The following ASPH variants were observed in gnomAD, a reference collection of about 807,000 sequenced individuals.
ASPH encodes the protein aspartate beta-hydroxylase, also known as aspartyl/asparaginyl beta-hydroxylase.
Under a neutral mutation model 118.4 loss-of-function variants are expected in ASPH, and 100 were observed. That is an observed-to-expected ratio of 0.84 (90% CI 0.72 to 1.00). The LOEUF (loss-of-function observed/expected upper bound fraction) is 1.00, where lower values mean the gene tolerates loss of function less well. Among genes scored for constraint, ASPH ranks in the 50% least tolerant of loss-of-function variants. The pLI is 0.00. For missense variants in ASPH, 920 were observed against 919.5 expected, an observed-to-expected ratio of 1.00 and a Z score of -0.01; for synonymous variants, 315 against 325.6, an observed-to-expected ratio of 0.97 and a Z score of 0.35.
At chr8:61,528,749 CT>C (rs1405455899) in intron 21 of ASPH, among the ~76,000 whole-genome samples, 1 of 152,188 alleles carries the variant, frequency 6.6e-6, no homozygotes, top group African/African-American at 2.4e-5. Context: ...ACAGCCTCCC[CT>C]GGGAAGTGTT....
intron 3 of ASPH, chr8:61,665,616 T>C: frequency 6.4e-7 from 1 of 1,552,374 alleles, no homozygotes; most frequent in Non-Finnish European, 8.6e-7. Flanking sequence ...ACTTTCAGAT[T>C]TTCCAATTAA....
intron 1 of ASPH, among the ~76,000 whole-genome samples, chr8:61,706,105 A>G (rs145498036): frequency 4.6e-4 from 70 of 152,320 alleles, no homozygotes; most frequent in African/African-American, 1.6e-3. Flanking sequence ...AAATAAGATT[A>G]TAAAAATTGT....
chr8:61,584,053 T>C (rs1051140105), intron 14 of ASPH, 24 bp from the exon 15 acceptor site: 3 of 1,374,014 alleles, frequency 2.2e-6, no homozygotes, highest in African/African-American at 1.5e-5. Context: ...GAGATTTTTA[T>C]TTTTAACGTT....
intron 18 of ASPH, among the ~76,000 whole-genome samples, chr8:61,556,305 T>C (rs973716360): frequency 2.0e-5 from 3 of 152,246 alleles, no homozygotes; most frequent in Admixed American, 6.5e-5. Context: ...AGCATCACTT[T>C]AACAATGCAA....
chr8:61,553,068 T>A lies in ASPH; in HGVS notation c.1589A>T (p.His530Leu). Residue 530 changes from histidine (H) to leucine (L), a missense_variant, in exon 20 of 25, where the codon CAC (histidine) becomes CTC (leucine). Physicochemically the swap from His to Leu is moderately conservative, Grantham distance 99 (BLOSUM62 -3). Coordinates refer to ENST00000379454, the MANE Select transcript of ASPH (RefSeq NM_004318.4). ...AACCCTCTGCATGGCATCCCCCAGGTGGAAATAAAATCTCCCATCATCAGT... is the reference window on the plus strand; with the variant it reads ...AACCCTCTGCATGGCATCCCCCAGGAGGAAATAAAATCTCCCATCATCAGT... ...PGTDDGRFYF[H>L]LGDAMQRVGN... The A allele has an allele frequency of 6.2e-7, 1 of 1,613,744 alleles. No homozygotes were observed. The highest frequency in any genetic ancestry group is 1.3e-5 in the African/African-American group (1 of 75,032).
chr8:61,606,998 T>C (rs964907356), intron 14 of ASPH: 1 of 372,568 alleles, frequency 2.7e-6, no homozygotes, highest in Non-Finnish European at 4.8e-6. Context: ...ATGTCATCGC[T>C]CCATGAAGAC....
At chr8:61,664,076 G>C (rs796181494) in intron 3 of ASPH, 60 of 974,904 alleles carry the variant, frequency 6.2e-5, no homozygotes, top group Non-Finnish European at 7.3e-5. Context: ...TGCTACCACA[G>C]AGATTTTATC....
intron 3 of ASPH, among the ~76,000 whole-genome samples, chr8:61,677,972 C>T (rs189782261): frequency 5.5e-4 from 84 of 152,214 alleles, no homozygotes; most frequent in African/African-American, 2.0e-3. Context: ...AGTACTAGTC[C>T]AGAGAGAAAA....
intron 1 of ASPH, among the ~76,000 whole-genome samples, chr8:61,710,680 TC>T (rs1194032388): frequency 6.6e-6 from 1 of 152,206 alleles, no homozygotes; most frequent in Non-Finnish European, 1.5e-5. Flanking sequence ...ATTATGGTCC[TC>T]CTATGTTTTC....
At chr8:61,681,104 T>G in intron 2 of ASPH, 68 bp from the exon 3 acceptor site, 1 of 1,291,394 alleles carries the variant, frequency 7.7e-7, no homozygotes, top group Non-Finnish European at 1.1e-6. Context: ...GTATTATAAC[T>G]TAGTGAAGTC....
intron 3 of ASPH, among the ~76,000 whole-genome samples, chr8:61,678,761 CCCTTGGATCTCCTGGG>C (rs1178926417): frequency 2.0e-5 from 3 of 152,070 alleles, no homozygotes; most frequent in African/African-American, 7.2e-5. Context: ...CTCCTCCTTC[CCCTTGGATCTCCTGGG>C]CCTTAATCTA....
intron 22 of ASPH, among the ~76,000 whole-genome samples, chr8:61,521,950 C>T (rs888182175): frequency 1.3e-5 from 2 of 152,004 alleles, no homozygotes; most frequent in African/African-American, 2.4e-5. Flanking sequence ...TAGAACACTG[C>T]GTTGAGAAGG....
chr8:61,563,008 T>C (rs1473241444), intron 17 of ASPH, 128 bp from the exon 18 acceptor site: 2 of 897,696 alleles, frequency 2.2e-6, no homozygotes, highest in Non-Finnish European at 3.1e-6. Flanking sequence ...GCTTTATTAG[T>C]GGTTTACTAA....
intron 1 of ASPH, chr8:61,689,955 C>G: frequency 1.2e-6 from 1 of 855,844 alleles, no homozygotes; most frequent in Non-Finnish European, 1.5e-6. Context: ...CAGCCTTTCT[C>G]CCACTTACGG....
intron 5 of ASPH, among the ~76,000 whole-genome samples, chr8:61,650,303 G>C (rs540636120): frequency 6.6e-6 from 1 of 152,212 alleles, no homozygotes; most frequent in African/African-American, 2.4e-5. Flanking sequence ...GCAAAAAACA[G>C]TTTAAACTAC....
chr8:61,525,617 A>G (rs748009114), intron 22 of ASPH, among the ~76,000 whole-genome samples: 6 of 152,172 alleles, frequency 3.9e-5, no homozygotes, highest in South Asian at 2.1e-4. Flanking sequence ...CAGGGACATA[A>G]CTTTCTAATA....
intron 16 of ASPH, among the ~76,000 whole-genome samples, 170 bp from the exon 17 acceptor site, chr8:61,567,488 A>T (rs1261898709): frequency 6.6e-6 from 1 of 152,250 alleles, no homozygotes; most frequent in African/African-American, 2.4e-5. Context: ...ATAGAAAATC[A>T]ACACACTATT....
intron 21 of ASPH, among the ~76,000 whole-genome samples, chr8:61,537,035 G>A (rs1339881876): frequency 1.3e-5 from 2 of 152,186 alleles, no homozygotes; most frequent in African/African-American, 4.8e-5. Flanking sequence ...TCACCTGAGA[G>A]GAAGGAGAAA....
At chr8:61,651,195 T>C in intron 4 of ASPH, 71 bp from the exon 5 acceptor site, 2 of 1,259,032 alleles carry the variant, frequency 1.6e-6, no homozygotes, top group Non-Finnish European at 2.3e-6. Context: ...CACTCAAATA[T>C]GACATTGGTA....
Sources: gnomAD v4.1 joint callset for allele counts (sites outside exome capture counted in the v4.1 genomes callset) on GRCh38, gnomAD v4.1.1 for gene constraint, MANE v1.5 for transcripts, NCBI Gene and HGNC (gene_info 2026-07-23, HGNC 2026-07-21) for gene names.